Variants in CFDP1 observed in about 807,000 individuals in gnomAD.
The protein encoded by CFDP1 is heterochromatin-stabilizing protein CFDP1.
A neutral mutation model predicts 40.1 loss-of-function variants in CFDP1; 31 were observed. That is an observed-to-expected ratio of 0.77 (90% confidence interval 0.58 to 1.04). CFDP1 has a LOEUF of 1.04. CFDP1 is among the 50% of genes least tolerant of loss of function. The pLI, the probability that CFDP1 is intolerant of heterozygous loss-of-function variation, is 0.00. For synonymous variants in CFDP1, 167 were observed against 120.0 expected, an observed-to-expected ratio of 1.39 and a Z score of -2.56; for missense variants, 423 against 343.4, an observed-to-expected ratio of 1.23 and a Z score of -1.83.
chr16:75,417,415 T>C (rs569513663), intron 1 of CFDP1, among the ~76,000 whole-genome samples: 57 of 152,244 alleles, frequency 3.7e-4, no homozygotes, highest in African/African-American at 1.1e-3. Context: ...AAAATTTCTA[T>C]GTATTTACCT....
intron 5 of CFDP1, among the ~76,000 whole-genome samples, chr16:75,364,549 T>A (rs1597356441): frequency 6.6e-6 from 1 of 152,200 alleles, no homozygotes; most frequent in Non-Finnish European, 1.5e-5. Flanking sequence ...TGGGTGACGG[T>A]GTTATTGCTC....
chr16:75,367,705 A>G (rs184508975), intron 5 of CFDP1, among the ~76,000 whole-genome samples: 23 of 150,878 alleles, frequency 1.5e-4, no homozygotes, highest in Non-Finnish European at 8.8e-5. Flanking sequence ...AGGCAGGAGA[A>G]TCACTTGAAC....
intron 5 of CFDP1, among the ~76,000 whole-genome samples, chr16:75,326,432 A>C (rs1300900319): frequency 6.6e-6 from 1 of 152,232 alleles, no homozygotes; most frequent in African/African-American, 2.4e-5. Flanking sequence ...GAAAGAATTA[A>C]TTTAGGTGTA....
chr16:75,337,397 T>C (rs778757948), intron 5 of CFDP1, among the ~76,000 whole-genome samples: 2 of 152,356 alleles, frequency 1.3e-5, no homozygotes, highest in African/African-American at 4.8e-5. Flanking sequence ...CAGAGCTACT[T>C]TGAGGCGCAG....
chr16:75,375,007 G>A (rs988453631), intron 5 of CFDP1, among the ~76,000 whole-genome samples: 1 of 151,424 alleles, frequency 6.6e-6, no homozygotes, highest in Non-Finnish European at 1.5e-5. Context: ...CTATATCTCT[G>A]TGTTGCTTGA....
At chr16:75,399,073 A>G (rs247439) in intron 4 of CFDP1, among the ~76,000 whole-genome samples, 2 of 145,294 alleles carry the variant, frequency 1.4e-5, no homozygotes, top group African/African-American at 5.2e-5. Flanking sequence ...AAAAAAAAAA[A>G]AAAAAAGAAA....
At chr16:75,409,536 ACTG>A (rs2079137343) in intron 4 of CFDP1, 1 of 152,188 alleles carries the variant, frequency 6.6e-6, no homozygotes, top group East Asian at 1.9e-4. Flanking sequence ...TTAGAAAAGT[ACTG>A]GTCTGCTATA....
chr16:75,386,014 T>C (rs1176788394), intron 5 of CFDP1, among the ~76,000 whole-genome samples: 1 of 152,132 alleles, frequency 6.6e-6, no homozygotes, highest in Non-Finnish European at 1.5e-5. Flanking sequence ...CAACCAAGGG[T>C]ATAGGAATAC....
intron 5 of CFDP1, among the ~76,000 whole-genome samples, chr16:75,373,346 C>T (rs902617243): frequency 6.6e-6 from 1 of 152,136 alleles, no homozygotes; most frequent in East Asian, 1.9e-4. Flanking sequence ...GGACTTTCTT[C>T]CCACAAAATG....
At chr16:75,297,148 GTGTGTGTGTGTGTGTGTC>G (rs1017275590) in intron 6 of CFDP1, among the ~76,000 whole-genome samples, 20 of 125,992 alleles carry the variant, frequency 1.6e-4, no homozygotes, top group African/African-American at 3.8e-4. Context: ...CCCATTTCTT[GTGTGTGTGTGTGTGTGTC>G]TGTGTGTGTG....
At chr16:75,422,218 T>C (rs1329691397) in intron 1 of CFDP1, among the ~76,000 whole-genome samples, 1 of 152,032 alleles carries the variant, frequency 6.6e-6, no homozygotes, top group Non-Finnish European at 1.5e-5. Flanking sequence ...TGCCTCAGCC[T>C]CCCAAGTAGC....
At position 75,352,737 on chromosome 16, in the gene CFDP1, T is replaced by C. The variant is rs147582330; in HGVS notation, c.650+42353A>G. Reference sequence around the variant, plus strand: ...CCCATACACCCATTCTGGTTTTCACTTCCAGTACAGTATTTGATAAACTAC... The same window carrying C: ...CCCATACACCCATTCTGGTTTTCACCTCCAGTACAGTATTTGATAAACTAC... On this transcript the variant is annotated intron_variant, in intron 5 of 6. Transcript: ENST00000283882. Among the ~76,000 whole-genome samples the C allele has an allele frequency of 3.5e-3, 528 of 152,310 alleles. 2 individuals are homozygous for C. Among genetic ancestry groups the C allele is most frequent in the African/African-American group, 0.012 (491 of 41,574 alleles).
chr16:75,308,790 G>A (rs116745236), intron 5 of CFDP1, among the ~76,000 whole-genome samples: 276 of 152,256 alleles, frequency 1.8e-3, no homozygotes, highest in African/African-American at 6.4e-3. Flanking sequence ...GGTATTCCTG[G>A]GTGAGGCCAT....
At chr16:75,365,019 T>C (rs1455978716) in intron 5 of CFDP1, among the ~76,000 whole-genome samples, 1 of 152,242 alleles carries the variant, frequency 6.6e-6, no homozygotes, top group Non-Finnish European at 1.5e-5. Flanking sequence ...TTTGTGACTA[T>C]AATGTGTTGT....
At chr16:75,337,781 A>G (rs975380205) in intron 5 of CFDP1, among the ~76,000 whole-genome samples, 2 of 151,622 alleles carry the variant, frequency 1.3e-5, no homozygotes, top group Non-Finnish European at 2.9e-5. Context: ...TGATCCAATC[A>G]CCTCCCACCG....
In CFDP1 at chr16:75,404,500, C is replaced by A. The variant is rs1343964947; in HGVS notation, c.530+7325G>T. ...CCTCCCAAAGTGCTGGGAATACAGG[C>A]ATGAGCCACCGCGCCCGGCCGCAAA... On this transcript the variant is annotated intron_variant, in intron 4 of 6. Transcript: ENST00000283882. Among the ~76,000 whole-genome samples the A allele has an allele frequency of 2.6e-5, 4 of 152,084 alleles. No individual in the cohort carries two copies. In the East Asian group the frequency reaches 7.8e-4, roughly 29 times the overall value.
chr16:75,333,150 G>A, intron 5 of CFDP1, among the ~76,000 whole-genome samples: 1 of 131,816 alleles, frequency 7.6e-6, no homozygotes, highest in Non-Finnish European at 1.6e-5. Flanking sequence ...TTGAGATGGA[G>A]TCTCGCTCTG....
intron 5 of CFDP1, among the ~76,000 whole-genome samples, chr16:75,340,467 A>C (rs555115780): frequency 3.3e-5 from 5 of 152,148 alleles, no homozygotes; most frequent in Non-Finnish European, 7.3e-5. Context: ...CTCCACACTA[A>C]AATATTTACA....
intron 5 of CFDP1, 46 bp from the exon 6 acceptor site, chr16:75,305,228 C>T: frequency 6.3e-7 from 1 of 1,589,850 alleles, no homozygotes; most frequent in South Asian, 1.1e-5. Context: ...AAACTCTGAT[C>T]TCTATATTAA....
Sources: allele counts gnomAD v4.1 joint callset (sites outside exome capture counted in the v4.1 genomes callset), GRCh38; gene constraint gnomAD v4.1.1; transcripts MANE v1.5; gene names NCBI Gene and HGNC (gene_info 2026-07-23, HGNC 2026-07-21).